The following ERBB4 variants were observed in gnomAD, a reference collection of about 807,000 sequenced individuals.
The protein encoded by ERBB4 is erb-b2 receptor tyrosine kinase 4.
Under a neutral mutation model 158.0 loss-of-function variants are expected in ERBB4, and 42 were observed. The ratio of observed to expected loss-of-function variants is 0.27; its 90% CI spans 0.21 to 0.34. The LOEUF (loss-of-function observed/expected upper bound fraction) is 0.34. Among genes scored for constraint, ERBB4 ranks in the 10% least tolerant of loss-of-function variants. The pLI is 1.00. For synonymous variants in ERBB4, 583 were observed against 558.7 expected, an observed-to-expected ratio of 1.04 and a Z score of -0.61; for missense variants, 1,333 against 1,624.1, an observed-to-expected ratio of 0.82 and a Z score of 3.08.
chr2:211,532,981 T>C (rs2125666884), intron 20 of ERBB4, among the ~76,000 whole-genome samples: 1 of 150,376 alleles, frequency 6.6e-6, no homozygotes, highest in Non-Finnish European at 1.5e-5. Flanking sequence ...AAAACAAATA[T>C]ATTTCTTTTA....
intron 1 of ERBB4, among the ~76,000 whole-genome samples, chr2:212,226,414 G>GC (rs949869459): frequency 4.0e-5 from 6 of 151,506 alleles, no homozygotes; most frequent in Admixed American, 1.3e-4. Context: ...AAGACATGGG[G>GC]GGGGGTTTGA....
Position 212,370,142 on chromosome 2 carries a change from G to T in ERBB4, c.82+168307C>A, listed in dbSNP as rs531148948. 3.3e-5 allele frequency among the ~76,000 whole-genome samples: 5 copies of T among 152,138 alleles called. No individual in the cohort carries two copies. In the South Asian group the frequency reaches 8.3e-4, roughly 25 times the overall value. On this transcript the variant is annotated intron_variant, in intron 1 of 27. Coordinates refer to ENST00000342788, the MANE Select transcript of ERBB4 (RefSeq NM_005235.3). ...AGGTAGAGATAATTGAATCATGGGG[G>T]TGGTTTCCTCCATGCTGTTCTCAGA...
chr2:211,983,066 A>G (rs955477364), intron 2 of ERBB4, among the ~76,000 whole-genome samples: 5 of 152,228 alleles, frequency 3.3e-5, no homozygotes, highest in South Asian at 2.1e-4. Context: ...TCTCAATTTT[A>G]TCTCAGGAGC....
At chr2:212,239,616 T>G (rs762740734) in intron 1 of ERBB4, among the ~76,000 whole-genome samples, 7 of 152,212 alleles carry the variant, frequency 4.6e-5, no homozygotes, top group African/African-American at 7.2e-5. Context: ...GCTATCTGAC[T>G]GAGCTGAAAT....
intron 3 of ERBB4, among the ~76,000 whole-genome samples, chr2:211,844,054 T>G (rs2077537099): frequency 6.6e-6 from 1 of 152,086 alleles, no homozygotes; most frequent in African/African-American, 2.4e-5. Context: ...TCACACATAG[T>G]GACAGACTTC....
intron 1 of ERBB4, among the ~76,000 whole-genome samples, chr2:212,308,503 G>A (rs2086898677): frequency 6.6e-6 from 1 of 150,968 alleles, no homozygotes; most frequent in Admixed American, 6.6e-5. Context: ...AGGTTCTGAA[G>A]AAGCTTTAAA....
intron 3 of ERBB4, among the ~76,000 whole-genome samples, chr2:211,788,476 A>G (rs2076217344): frequency 6.6e-6 from 1 of 152,088 alleles, no homozygotes; most frequent in South Asian, 2.1e-4. Context: ...ATTTTATATA[A>G]TATTTTATAA....
At chr2:212,537,763 T>TTA (rs397987684) in intron 1 of ERBB4, among the ~76,000 whole-genome samples, 63 of 150,756 alleles carry the variant, frequency 4.2e-4, no homozygotes, top group African/African-American at 1.5e-3. Flanking sequence ...TTTTTTTTTT[T>TTA]AAGAGGTCAG....
chr2:212,478,444 G>A (rs1367058582), intron 1 of ERBB4, among the ~76,000 whole-genome samples: 2 of 152,004 alleles, frequency 1.3e-5, no homozygotes, highest in African/African-American at 2.4e-5. Flanking sequence ...TCATAGGTAA[G>A]CACAAGCAAA....
At chr2:211,523,557 T>TGC (rs2066248535) in intron 20 of ERBB4, among the ~76,000 whole-genome samples, 1 of 151,494 alleles carries the variant, frequency 6.6e-6, no homozygotes, top group Non-Finnish European at 1.5e-5. Context: ...CGTGGTCTCC[T>TGC]AGGCTCAGGA....
intron 3 of ERBB4, among the ~76,000 whole-genome samples, chr2:211,861,352 T>G (rs10202667): frequency 0.19 from 3,201 of 16,544 alleles, 29 homozygotes; most frequent in Non-Finnish European, 0.27. Flanking sequence ...TTTTTTTTGT[T>G]TTTTTTTTTT....
At chr2:212,213,948 C>G (rs2083015569) in intron 1 of ERBB4, among the ~76,000 whole-genome samples, 1 of 151,750 alleles carries the variant, frequency 6.6e-6, no homozygotes, top group Admixed American at 6.6e-5. Flanking sequence ...CTTTGTTATA[C>G]AAAGTTGATT....
chr2:211,735,077 T>C (rs149395786), intron 5 of ERBB4, among the ~76,000 whole-genome samples: 68 of 152,268 alleles, frequency 4.5e-4, no homozygotes, highest in Non-Finnish European at 8.4e-4. Flanking sequence ...TGCTTATGTG[T>C]ATATGTAAAT....
At chr2:212,218,766 C>T (rs535583772) in intron 1 of ERBB4, among the ~76,000 whole-genome samples, 1 of 151,424 alleles carries the variant, frequency 6.6e-6, no homozygotes, top group East Asian at 1.9e-4. Context: ...TGGGATTTAT[C>T]CTGGTAACCT....
At chr2:211,758,573 A>G (rs1368165550) in intron 4 of ERBB4, among the ~76,000 whole-genome samples, 1 of 152,202 alleles carries the variant, frequency 6.6e-6, no homozygotes, top group East Asian at 1.9e-4. Flanking sequence ...TGTCAAATGT[A>G]TTTCTGAGCA....
intron 3 of ERBB4, among the ~76,000 whole-genome samples, chr2:211,937,368 C>T (rs749661574): frequency 2.3e-4 from 35 of 152,120 alleles, no homozygotes; most frequent in Admixed American, 1.4e-3. Flanking sequence ...TAAAGATAAT[C>T]GGCAGTGTCT....
At chr2:211,845,306 C>T (rs2077563132) in intron 3 of ERBB4, among the ~76,000 whole-genome samples, 1 of 151,430 alleles carries the variant, frequency 6.6e-6, no homozygotes, top group Non-Finnish European at 1.5e-5. Flanking sequence ...AAAGCTGTTC[C>T]CTGGGTTATT....
intron 3 of ERBB4, among the ~76,000 whole-genome samples, chr2:211,795,627 C>T (rs1285961484): frequency 2.6e-5 from 4 of 151,772 alleles, no homozygotes; most frequent in African/African-American, 9.7e-5. Flanking sequence ...TCTCTACCAT[C>T]TTCAATACAA....
At chr2:211,470,655 A>G (rs1003232953) in intron 20 of ERBB4, among the ~76,000 whole-genome samples, 4 of 152,188 alleles carry the variant, frequency 2.6e-5, no homozygotes, top group African/African-American at 9.6e-5. Context: ...CCGTAAAACT[A>G]AAACTGTACT....
Sources: allele counts gnomAD v4.1 joint callset (sites outside exome capture counted in the v4.1 genomes callset), GRCh38; gene constraint gnomAD v4.1.1; transcripts MANE v1.5; gene names NCBI Gene and HGNC (gene_info 2026-07-23, HGNC 2026-07-21).